EPHA6: variants seen among roughly 807,000 people sequenced by gnomAD.
EPHA6 encodes the protein EPH receptor A6.
A neutral mutation model predicts 112.0 loss-of-function variants in EPHA6; 50 were observed. That is an observed-to-expected ratio of 0.45 (90% confidence interval 0.36 to 0.56). EPHA6 has a LOEUF of 0.56. Ranked by LOEUF, EPHA6 falls within the 20% of genes least tolerant of loss-of-function variation. The pLI is 0.00. For missense variants in EPHA6, 1,280 were observed against 1,417.4 expected, an observed-to-expected ratio of 0.90 and a Z score of 1.56; for synonymous variants, 529 against 490.7, an observed-to-expected ratio of 1.08 and a Z score of -1.03.
At chr3:97,669,837 C>T (rs2030619140) in intron 14 of EPHA6, among the ~76,000 whole-genome samples, 1 of 152,150 alleles carries the variant, frequency 6.6e-6, no homozygotes. Context: ...CATAAATATT[C>T]AGCAACTGTA....
At chr3:97,068,663 C>T (rs1339033648) in intron 3 of EPHA6, among the ~76,000 whole-genome samples, 2 of 151,876 alleles carry the variant, frequency 1.3e-5, no homozygotes, top group African/African-American at 2.4e-5. Context: ...ATGTTTTACC[C>T]CTACCCCACA....
chr3:97,323,790 G>A (rs1279695546), intron 5 of EPHA6, among the ~76,000 whole-genome samples: 2 of 151,868 alleles, frequency 1.3e-5, no homozygotes, highest in Non-Finnish European at 2.9e-5. Flanking sequence ...AAGAAACACA[G>A]TTTGAAGGCA....
Position 97,478,389 on chromosome 3 carries a change from G to A in EPHA6, c.2004-905G>A, listed in dbSNP as rs189199315. 3.4e-4 allele frequency among the ~76,000 whole-genome samples: 51 copies of A among 152,202 alleles called. 2 individuals are homozygous for A. The highest frequency in any genetic ancestry group is 2.4e-3 in the Admixed American group (36 of 15,298). Reference sequence around the variant, plus strand: ...TAAGTATTGCCTAATAAACTTGAGAGTTGGGCTCAAATATTATCTTTATTT... The same window carrying A: ...TAAGTATTGCCTAATAAACTTGAGAATTGGGCTCAAATATTATCTTTATTT... On this transcript the variant is annotated intron_variant, in intron 8 of 17. Transcript: ENST00000389672.
At chr3:97,139,041 C>T (rs957636444) in intron 3 of EPHA6, among the ~76,000 whole-genome samples, 4 of 152,054 alleles carry the variant, frequency 2.6e-5, no homozygotes, top group Admixed American at 6.5e-5. Context: ...GGAGGGTTGC[C>T]CAAGTGGCCT....
chr3:96,887,276 G>A (rs370083861), intron 2 of EPHA6, among the ~76,000 whole-genome samples: 17 of 152,096 alleles, frequency 1.1e-4, no homozygotes, highest in African/African-American at 3.6e-4. Flanking sequence ...TTGTCCCATG[G>A]GGTGTTCCCT....
At chr3:96,937,408 T>G (rs1292013405) in intron 2 of EPHA6, among the ~76,000 whole-genome samples, 1 of 152,124 alleles carries the variant, frequency 6.6e-6, no homozygotes, top group Non-Finnish European at 1.5e-5. Context: ...ATGTCTTCTT[T>G]TGAGAAGTGT....
chr3:97,577,196 T>C (rs1160813105), intron 11 of EPHA6, among the ~76,000 whole-genome samples: 2 of 152,248 alleles, frequency 1.3e-5, no homozygotes, highest in East Asian at 3.9e-4. Flanking sequence ...TTTAAAACTC[T>C]TAAAATTTGA....
chr3:97,551,224 C>G (rs1183192256), intron 11 of EPHA6, among the ~76,000 whole-genome samples: 1 of 152,110 alleles, frequency 6.6e-6, no homozygotes, highest in African/African-American at 2.4e-5. Context: ...ATTATCTAGT[C>G]TGTATCTTGT....
At chr3:96,885,592 T>C (rs2037575900) in intron 2 of EPHA6, among the ~76,000 whole-genome samples, 2 of 152,206 alleles carry the variant, frequency 1.3e-5, no homozygotes, top group South Asian at 2.1e-4. Flanking sequence ...CATTTGTTAG[T>C]GAGGTTATTT....
At chr3:97,014,945 A>G (rs1576324584) in intron 3 of EPHA6, among the ~76,000 whole-genome samples, 1 of 152,166 alleles carries the variant, frequency 6.6e-6, no homozygotes, top group Admixed American at 6.6e-5. Context: ...TTTGTCTTCT[A>G]TATATATTTG....
At chr3:97,077,400 A>G (rs1159066423) in intron 3 of EPHA6, among the ~76,000 whole-genome samples, 1 of 151,940 alleles carries the variant, frequency 6.6e-6, no homozygotes, top group East Asian at 1.9e-4. Context: ...ATCTATATAT[A>G]TATATATACT....
intron 11 of EPHA6, among the ~76,000 whole-genome samples, chr3:97,542,913 A>G (rs1244424475): frequency 6.6e-6 from 1 of 152,130 alleles, no homozygotes; most frequent in Non-Finnish European, 1.5e-5. Flanking sequence ...GTGTCTGTTC[A>G]TATCCTTTGC....
intron 15 of EPHA6, among the ~76,000 whole-genome samples, chr3:97,724,049 C>A (rs1380067914): frequency 6.6e-6 from 1 of 152,124 alleles, no homozygotes; most frequent in Non-Finnish European, 1.5e-5. Flanking sequence ...ATGTGATAGA[C>A]AATACAAATT....
rs1451621079 is a variant in EPHA6, at chr3:97,760,633, T to C, written c.*11932T>C. The C allele has an allele frequency of 5.6e-6, 1 of 179,950 alleles. No homozygotes were observed. Among genetic ancestry groups the C allele is most frequent in the Non-Finnish European group, 1.2e-5 (1 of 84,078 alleles). The allele number at this position is 179,950 out of a possible 1,614,324, so 11.1% of individuals were successfully genotyped here. A position where few individuals can be genotyped will look rare whatever the true frequency, so the allele number is the denominator to read the frequency against. On this transcript the variant is annotated 3_prime_UTR_variant, in exon 18 of 18. Coordinates refer to ENST00000389672, the MANE Select transcript of EPHA6 (RefSeq NM_001080448.3). ...GCATCAAATTTTAAATGGTAGATGA[T>C]ATCAACAATTGCAGTGCACTCAAAA...
At chr3:97,555,392 G>A (rs1255226071) in intron 11 of EPHA6, among the ~76,000 whole-genome samples, 4 of 151,988 alleles carry the variant, frequency 2.6e-5, no homozygotes, top group Non-Finnish European at 4.4e-5. Context: ...ATAAACATAC[G>A]TGTGCATGTG....
intron 3 of EPHA6, among the ~76,000 whole-genome samples, chr3:97,201,860 T>C (rs1399467667): frequency 1.3e-5 from 2 of 152,070 alleles, no homozygotes; most frequent in African/African-American, 2.4e-5. Flanking sequence ...AAGACGTAAA[T>C]TCCTCACTGC....
intron 2 of EPHA6, among the ~76,000 whole-genome samples, chr3:96,958,928 G>T (rs1318715647): frequency 6.6e-6 from 1 of 152,154 alleles, no homozygotes; most frequent in Admixed American, 6.5e-5. Context: ...ATGACATTGA[G>T]TTGTTTTCAC....
chr3:97,170,596 G>A (rs952508610), intron 3 of EPHA6, among the ~76,000 whole-genome samples: 1 of 152,012 alleles, frequency 6.6e-6, no homozygotes, highest in African/African-American at 2.4e-5. Context: ...AATTACCCAG[G>A]TGTCATGGTG....
At position 97,750,567 on chromosome 3, in the gene EPHA6, G is replaced by A. The variant is rs1326730423; in HGVS notation, c.*1866G>A. The stretch of plus-strand genomic sequence containing the variant: ...AGACGGGGTTTCACCATGTTGGCCA[G>A]GCTGCTCGAACTCCTGACCTCAGAT... On this transcript the variant is annotated 3_prime_UTR_variant, in exon 18 of 18. Coordinates refer to ENST00000389672, the MANE Select transcript of EPHA6 (RefSeq NM_001080448.3). Among the ~76,000 whole-genome samples the A allele has an allele frequency of 1.3e-5, 2 of 152,016 alleles. No homozygotes were observed. The highest frequency in any genetic ancestry group is 4.8e-5 in the African/African-American group (2 of 41,396).
Sources: allele counts gnomAD v4.1 joint callset (sites outside exome capture counted in the v4.1 genomes callset), GRCh38; gene constraint gnomAD v4.1.1; transcripts MANE v1.5; gene names NCBI Gene and HGNC (gene_info 2026-07-23, HGNC 2026-07-21).